The following PTCH1 variants were observed in gnomAD, a reference collection of about 807,000 sequenced individuals.
PTCH1 encodes patched 1.
A neutral mutation model predicts 144.6 loss-of-function variants in PTCH1; 14 were observed. That is an observed-to-expected ratio of 0.10 (90% CI 0.06 to 0.15). PTCH1 has a LOEUF of 0.15. Ranked by LOEUF, PTCH1 falls within the 10% of genes least tolerant of loss-of-function variation. The pLI is 1.00. For missense variants in PTCH1, 1,623 were observed against 1,948.3 expected, an observed-to-expected ratio of 0.83 and a Z score of 3.14; for synonymous variants, 833 against 793.6, an observed-to-expected ratio of 1.05 and a Z score of -0.83.
intron 16 of PTCH1, among the ~76,000 whole-genome samples, chr9:95,461,145 A>G (rs1004291849): frequency 2.6e-5 from 4 of 151,908 alleles, no homozygotes; most frequent in Non-Finnish European, 5.9e-5. Flanking sequence ...TCCAAAACAC[A>G]CTCCTGAACA....
intron 14 of PTCH1, 86 bp from the exon 15 acceptor site, chr9:95,467,511 G>A: frequency 7.4e-7 from 1 of 1,343,116 alleles, no homozygotes; most frequent in Non-Finnish European, 1.0e-6. Context: ...TTAATACCTT[G>A]TTTTCACCAC....
upstream of PTCH1, among the ~76,000 whole-genome samples, chr9:95,513,696 T>A (rs111331606): frequency 2.0e-5 from 3 of 152,200 alleles, no homozygotes; most frequent in African/African-American, 7.2e-5. Flanking sequence ...AGAAAATGAG[T>A]CTAAAAGGTT....
At chr9:95,480,676 T>G in intron 5 of PTCH1, 88 bp from the exon 6 acceptor site, 3 of 1,352,578 alleles carry the variant, frequency 2.2e-6, no homozygotes, top group Non-Finnish European at 3.1e-6. Flanking sequence ...GCATCCACCT[T>G]GTAGGAGGTT....
intron 2 of PTCH1, among the ~76,000 whole-genome samples, chr9:95,492,313 G>A (rs755988809): frequency 2.6e-5 from 4 of 152,002 alleles, no homozygotes; most frequent in Non-Finnish European, 4.4e-5. Flanking sequence ...ATGGAATGTC[G>A]TGGTTTTTTT....
chr9:95,446,843 C>T (rs1361080118), intron 23 of PTCH1, 68 bp downstream of exon 23: 2 of 1,598,890 alleles, frequency 1.3e-6, no homozygotes, highest in East Asian at 2.2e-5. Context: ...CCGAGAACCC[C>T]AGGAGAACCT....
rs562807559 is a variant in PTCH1, at chr9:95,508,628, G to A, written c.-267C>T. 1.0e-3 allele frequency: 1,026 copies of A among 990,722 alleles called. 9 individuals are homozygous for A. The African/African-American group carries it at 0.016, about 16-fold the overall frequency. The allele number at this position is 990,722 out of a possible 1,614,324, so 61.4% of individuals were successfully genotyped here. Reference sequence around the variant, plus strand: ...TTGCCACATTGCGCGGGGGTCCCGAGGTCTCTGCGGCCGCCGCTGCCCACA... The same window carrying A: ...TTGCCACATTGCGCGGGGGTCCCGAAGTCTCTGCGGCCGCCGCTGCCCACA... On this transcript the variant is annotated 5_prime_UTR_variant, in exon 1 of 24. Transcript: ENST00000331920.
rs1378803765 is a variant in PTCH1, at chr9:95,446,349, G to A, written c.*44C>T. On this transcript the variant is annotated 3_prime_UTR_variant, in exon 24 of 24. Transcript: ENST00000331920. ...AGTTCTGGAAAGAGGTGGGGGTGGG[G>A]GGTTTCCAATCTTTGGCCTCTTTGC... The A allele has an allele frequency of 5.8e-6, 3 of 517,500 alleles. No individual in the cohort carries two copies. Among genetic ancestry groups the A allele is most frequent in the African/African-American group, 3.9e-5 (2 of 51,708 alleles). 32.1% of individuals were successfully genotyped at this position (517,500 alleles called of 1,614,324 possible). A position where few individuals can be genotyped will look rare whatever the true frequency, so the allele number is the denominator to read the frequency against.
At position 95,508,550 on chromosome 9, in the gene PTCH1, T is replaced by TGCTGCCGCTGCGGCC; in HGVS notation, c.-204_-190dup. The stretch of plus-strand genomic sequence containing the variant: ...CTGCTGCTGCTCACACGGCGGGCGC[T>TGCTGCCGCTGCGGCC]GCTGCCGCTGCGGCCGCGGCCGCTG... On this transcript the variant is annotated 5_prime_UTR_variant, in exon 1 of 24. Coordinates refer to ENST00000331920, the MANE Select transcript of PTCH1 (RefSeq NM_000264.5). 1 of 1,006,780 alleles carries TGCTGCCGCTGCGGCC rather than the reference T, an allele frequency of 9.9e-7. No individual in the cohort carries two copies. Among genetic ancestry groups the TGCTGCCGCTGCGGCC allele is most frequent in the Non-Finnish European group, 1.2e-6 (1 of 844,040 alleles). 62.4% of individuals were successfully genotyped at this position (1,006,780 alleles called of 1,614,324 possible).
upstream of PTCH1, among the ~76,000 whole-genome samples, chr9:95,511,061 C>G (rs1460622503): frequency 6.7e-6 from 1 of 150,002 alleles, no homozygotes; most frequent in Non-Finnish European, 1.5e-5. Context: ...TGCCCAATGC[C>G]CGCGCCGCCT....
chr9:95,444,467 GT>G lies in PTCH1; in HGVS notation c.*1925del. ...CAGGCACCAAGACAGCAGCAGGGGG[GT>G]GGCCAGGGTCCCCAGCAGAGACACA... On this transcript the variant is annotated 3_prime_UTR_variant, in exon 24 of 24. Coordinates refer to ENST00000331920, the MANE Select transcript of PTCH1 (RefSeq NM_000264.5). 1 of 153,698 alleles carries G rather than the reference GT, an allele frequency of 6.5e-6. No individual in the cohort carries two copies. Among genetic ancestry groups the G allele is most frequent in the Admixed American group, 6.5e-5 (1 of 15,296 alleles). The allele number at this position is 153,698 out of a possible 1,614,324, so 9.5% of individuals were successfully genotyped here.
At chr9:95,464,260 A>G (rs1839804056) in intron 15 of PTCH1, among the ~76,000 whole-genome samples, 1 of 152,228 alleles carries the variant, frequency 6.6e-6, no homozygotes, top group South Asian at 2.1e-4. Context: ...TGGCCTAAGC[A>G]CATGTACAAG....
chr9:95,511,137 C>T (rs1587705712), upstream of PTCH1, among the ~76,000 whole-genome samples: 2 of 149,956 alleles, frequency 1.3e-5, no homozygotes, highest in South Asian at 4.1e-4. Context: ...CGCTGGCTGC[C>T]CGGGCGCGCT....
chr9:95,468,690 A>T (rs2118014118), intron 14 of PTCH1, 61 bp downstream of exon 14: 1 of 1,590,342 alleles, frequency 6.3e-7, no homozygotes, highest in Non-Finnish European at 8.6e-7. Flanking sequence ...CAATCTGATG[A>T]ACTCCAAAGG....
rs1843770938 is a variant in PTCH1, at chr9:95,507,424, T to C, written c.201+737A>G. 1.5e-5 allele frequency: 15 copies of C among 985,266 alleles called. No homozygotes were observed. In the South Asian group the frequency reaches 5.6e-4, roughly 37 times the overall value. 61.0% of individuals were successfully genotyped at this position (985,266 alleles called of 1,614,324 possible). Reference sequence around the variant, plus strand: ...CGTCTGGGTGCTCGCCTTCCCTGGATTCCACACATTTCAGCGAGCCTCGTA... The same window carrying C: ...CGTCTGGGTGCTCGCCTTCCCTGGACTCCACACATTTCAGCGAGCCTCGTA... On this transcript the variant is annotated intron_variant, in intron 1 of 23. Coordinates refer to ENST00000331920, the MANE Select transcript of PTCH1 (RefSeq NM_000264.5).
chr9:95,497,298 C>G (rs539421856), intron 2 of PTCH1, among the ~76,000 whole-genome samples: 1 of 152,202 alleles, frequency 6.6e-6, no homozygotes, highest in African/African-American at 2.4e-5. Flanking sequence ...CAGCATCGTA[C>G]GACACGTTAT....
chr9:95,472,282 G>A (rs1196597374), intron 12 of PTCH1, among the ~76,000 whole-genome samples: 2 of 152,180 alleles, frequency 1.3e-5, no homozygotes, highest in East Asian at 1.9e-4. Flanking sequence ...CCCGAAGTGC[G>A]GTCAAGTCAC....
intron 12 of PTCH1, 77 bp downstream of exon 12, chr9:95,475,957 C>T: frequency 6.2e-7 from 1 of 1,603,914 alleles, no homozygotes; most frequent in Non-Finnish European, 8.5e-7. Context: ...AGTGCCTTAG[C>T]AGAGACCGCA....
chr9:95,462,098 T>G, intron 15 of PTCH1, 100 bp from the exon 16 acceptor site: 1 of 1,372,960 alleles, frequency 7.3e-7, no homozygotes, highest in Non-Finnish European at 1.0e-6. Context: ...CAGGGGGCTC[T>G]TAGACGTCCA....
In PTCH1 at chr9:95,449,970, C is replaced by T. The variant is rs771146089; in HGVS notation, c.3450-30G>A. On this transcript the variant is annotated intron_variant, in intron 20 of 23. Coordinates refer to ENST00000331920, the MANE Select transcript of PTCH1 (RefSeq NM_000264.5). This position sits in a 1 kb window ranked among gnomAD's most constrained non-coding sequence, Gnocchi z 5.3. ...GAGATCAAGAGGAAACGGGAACACG[C>T]GCTGTGACAGGGTGGATCGCGCCAC... 13 of 1,592,824 alleles carry T rather than the reference C, an allele frequency of 8.2e-6. No homozygotes were observed. The highest frequency in any genetic ancestry group is 4.0e-5 in the African/African-American group (3 of 74,534).
Sources: gnomAD v4.1 joint callset for allele counts (sites outside exome capture counted in the v4.1 genomes callset) on GRCh38, gnomAD v4.1.1 for gene constraint, Gnocchi (gnomAD v3.1) non-coding constraint, MANE v1.5 for transcripts, NCBI Gene and HGNC (gene_info 2026-07-23, HGNC 2026-07-21) for gene names.